RNF212: variants seen among roughly 807,000 people sequenced by gnomAD.
The protein encoded by RNF212 is ring finger protein 212.
In RNF212, 33 loss-of-function variants were observed where a neutral mutation model predicts 34.7. The observed-to-expected ratio is 0.95, with a 90% CI of 0.72 to 1.27. The LOEUF (loss-of-function observed/expected upper bound fraction) is 1.27, where lower values mean the gene tolerates loss of function less well. RNF212 is among the 50% of genes most tolerant of loss of function. The pLI is 0.00. For synonymous variants in RNF212, 140 were observed against 136.1 expected (o/e 1.03, Z -0.20); for missense variants, 377 against 362.2 (o/e 1.04, Z -0.33).
At chr4:1,068,147 T>C (rs1298555732), downstream of RNF212, among the ~76,000 whole-genome samples, 1 of 152,196 alleles carries the variant, frequency 6.6e-6, no homozygotes, top group Admixed American at 6.5e-5. Context: ...GAACCTGGAA[T>C]AGGCAAAATT....
intron 7 of RNF212, among the ~76,000 whole-genome samples, chr4:1,080,538 C>T (rs1720160279): frequency 6.6e-6 from 1 of 152,184 alleles, no homozygotes; most frequent in Non-Finnish European, 1.5e-5. Flanking sequence ...ATTGACCGTA[C>T]AGATGTACCA....
intron 9 of RNF212, among the ~76,000 whole-genome samples, 194 bp downstream of exon 9, chr4:1,073,405 G>A (rs765394301): frequency 7.2e-5 from 11 of 151,986 alleles, no homozygotes; most frequent in Admixed American, 4.6e-4. Context: ...CTTGTTACAC[G>A]GTCATCAGGA....
At position 1,105,369 on chromosome 4, in the gene RNF212, G is replaced by C. The variant is rs553715730; in HGVS notation, c.171+2974C>G. On this transcript the variant is annotated intron_variant, in intron 2 of 9. Coordinates refer to ENST00000433731, the MANE Select transcript of RNF212 (RefSeq NM_001131034.4). ...CTGGCTTCAGTCTGCTCTGCTCCCT[G>C]GCCATCCACCACCCAACCAATACGG... Among the ~76,000 whole-genome samples, 3 of 152,332 alleles carry C rather than the reference G, an allele frequency of 2.0e-5. No homozygotes were observed. In the South Asian group the frequency reaches 6.2e-4, roughly 32 times the overall value.
chr4:1,056,722 C>T (rs1717348074), intron 4 of RNF212: 1 of 578,810 alleles, frequency 1.7e-6, no homozygotes, highest in Admixed American at 6.3e-5. Flanking sequence ...AGAAACACAA[C>T]TCTTGAGAAC....
intron 5 of RNF212, among the ~76,000 whole-genome samples, chr4:1,082,272 C>T (rs886393477): frequency 6.6e-6 from 1 of 152,258 alleles, no homozygotes; most frequent in East Asian, 1.9e-4. Context: ...GTAGCAGAGA[C>T]CACCTGCTGT....
At chr4:1,065,878 C>G (rs1310942714) in intron 3 of RNF212, among the ~76,000 whole-genome samples, 1 of 151,174 alleles carries the variant, frequency 6.6e-6, no homozygotes, top group Non-Finnish European at 1.5e-5. Context: ...CCGTGCCCGG[C>G]CTGTTTTTGT....
In RNF212 at chr4:1,073,791, A is replaced by G. The variant is rs1577646335; in HGVS notation, c.511-129T>C. 5.8e-6 allele frequency: 4 copies of G among 684,308 alleles called. No homozygotes were observed. The East Asian group carries it at 1.1e-4, about 19-fold the overall frequency. The allele number at this position is 684,308 out of a possible 1,614,324, so 42.4% of individuals were successfully genotyped here. Reference sequence around the variant, plus strand: ...CCCTCATCTTTATCGCCCTCTGACAAGTTCCTGTCTAACTTGATTCTGTGT... The same window carrying G: ...CCCTCATCTTTATCGCCCTCTGACAGGTTCCTGTCTAACTTGATTCTGTGT... On this transcript the variant is annotated intron_variant, in intron 8 of 9. Transcript: ENST00000433731.
chr4:1,056,456 C>T, exon 5 of RNF212: 1 of 964,028 alleles, frequency 1.0e-6, no homozygotes, highest in Non-Finnish European at 1.2e-6. Context: ...GCATGGAAGT[C>T]GCGGTAAAAA....
intron 8 of RNF212, 39 bp from the exon 9 acceptor site, chr4:1,073,701 T>C (rs371439615): frequency 4.2e-6 from 6 of 1,431,052 alleles, no homozygotes; most frequent in Non-Finnish European, 5.9e-6. Context: ...AAAATTCCAA[T>C]ATTGCGGCTT....
chr4:1,106,004 G>C (rs1372148061), intron 2 of RNF212, among the ~76,000 whole-genome samples: 1 of 152,228 alleles, frequency 6.6e-6, no homozygotes, highest in African/African-American at 2.4e-5. Context: ...ATGCATGGGG[G>C]ACTTTGGCGC....
At chr4:1,096,966 G>A (rs1723161145) in intron 2 of RNF212, 127 bp from the exon 3 acceptor site, 1 of 732,196 alleles carries the variant, frequency 1.4e-6, no homozygotes, top group Admixed American at 1.9e-5. Flanking sequence ...CATTGTGAAT[G>A]GCCTCTCAGG....
At chr4:1,087,582 G>A (rs111436949) in intron 4 of RNF212, among the ~76,000 whole-genome samples, 1 of 150,540 alleles carries the variant, frequency 6.6e-6, no homozygotes, top group Non-Finnish European at 1.5e-5. Context: ...ACAGGAGCAG[G>A]GAGTGGGTAA....
chr4:1,102,557 C>G (rs1480656607), intron 2 of RNF212, among the ~76,000 whole-genome samples: 1 of 140,068 alleles, frequency 7.1e-6, no homozygotes, highest in Non-Finnish European at 1.5e-5. Context: ...CTGTCTCTAC[C>G]AAAAATACAA....
rs1233004527 is a variant in RNF212 at position 1,108,902 on chromosome 4, T to C, written c.110-498A>G. 2.0e-5 allele frequency among the ~76,000 whole-genome samples: 3 copies of C among 152,146 alleles called. No homozygotes were observed. The East Asian group carries it at 5.8e-4, about 29-fold the overall frequency. On this transcript the variant is annotated intron_variant, in intron 1 of 9. Transcript: ENST00000433731. ...TTTTTGTAGAGACAGGGTCTCACTA[T>C]GTTGCCCACACTGGGCTCGAACTCC...
intron 8 of RNF212, among the ~76,000 whole-genome samples, chr4:1,079,289 A>G (rs1248013384): frequency 6.6e-6 from 1 of 152,182 alleles, no homozygotes; most frequent in Non-Finnish European, 1.5e-5. Context: ...TCAACACAAG[A>G]CCAACATGGG....
intron 3 of RNF212, among the ~76,000 whole-genome samples, chr4:1,095,156 C>A (rs74578663): frequency 2.8e-4 from 32 of 116,264 alleles, no homozygotes; most frequent in East Asian, 1.1e-3. Flanking sequence ...ACCAAGCACG[C>A]CCCCCACAGC....
intron 1 of RNF212, among the ~76,000 whole-genome samples, chr4:1,111,641 A>G (rs1483676367): frequency 3.3e-5 from 5 of 152,126 alleles, no homozygotes; most frequent in African/African-American, 1.2e-4. Flanking sequence ...AGTCTCTCCC[A>G]CAGTTTCTAT....
chr4:1,063,245 T>C (rs1000774750), intron 3 of RNF212, among the ~76,000 whole-genome samples: 9 of 152,062 alleles, frequency 5.9e-5, no homozygotes, highest in Non-Finnish European at 7.4e-5. Context: ...ACTCAAAATA[T>C]GCAAAACAAT....
downstream of RNF212, among the ~76,000 whole-genome samples, chr4:1,067,732 TG>T (rs1349894075): frequency 6.6e-6 from 1 of 152,040 alleles, no homozygotes; most frequent in Non-Finnish European, 1.5e-5. Context: ...GGTGAGGTGC[TG>T]CACGCCTGTA....
Sources: gnomAD v4.1 joint callset for allele counts (sites outside exome capture counted in the v4.1 genomes callset) on GRCh38, gnomAD v4.1.1 for gene constraint, MANE v1.5 for transcripts, NCBI Gene and HGNC (gene_info 2026-07-23, HGNC 2026-07-21) for gene names.